PABPC4L: variants seen among roughly 807,000 people sequenced by gnomAD.
The protein encoded by PABPC4L is polyadenylate-binding protein 4-like.
For synonymous variants in PABPC4L, 169 were observed against 164.1 expected, an observed-to-expected ratio of 1.03 and a Z score of -0.23; for missense variants, 452 against 451.4, an observed-to-expected ratio of 1.00 and a Z score of -0.01.
chr4:133,983,400 G>A, the PABPC4L span, among the ~76,000 whole-genome samples: 1 of 151,798 alleles, frequency 6.6e-6, no homozygotes, highest in Non-Finnish European at 1.5e-5. Flanking sequence ...AATTACTCTA[G>A]ATAGTCATCC....
At chr4:134,037,708 A>G in the PABPC4L span, among the ~76,000 whole-genome samples, 95 of 152,190 alleles carry the variant, frequency 6.2e-4, no homozygotes, top group African/African-American at 2.3e-3. Flanking sequence ...AAGCACATCA[A>G]GATAACACTT....
At chr4:134,189,451 T>C in the PABPC4L span, among the ~76,000 whole-genome samples, 1 of 152,120 alleles carries the variant, frequency 6.6e-6, no homozygotes, top group Non-Finnish European at 1.5e-5. Flanking sequence ...TATGTATACA[T>C]ACATATATAC....
the PABPC4L span, among the ~76,000 whole-genome samples, chr4:134,062,968 G>A: frequency 6.6e-6 from 1 of 152,058 alleles, no homozygotes; most frequent in African/African-American, 2.4e-5. Flanking sequence ...TATTTGGCAG[G>A]TTTCTACTTC....
At chr4:134,192,470 A>C (rs1383807617), downstream of PABPC4L, among the ~76,000 whole-genome samples, 1 of 152,106 alleles carries the variant, frequency 6.6e-6, no homozygotes, top group Non-Finnish European at 1.5e-5. Context: ...GATTTTGCAC[A>C]ATCTTGTGAG....
the PABPC4L span, among the ~76,000 whole-genome samples, chr4:134,139,626 A>G: frequency 6.6e-6 from 1 of 151,924 alleles, no homozygotes; most frequent in Non-Finnish European, 1.5e-5. Context: ...ACAGTCATAG[A>G]TAATTAAGGT....
Position 134,201,001 on chromosome 4 carries a change from A to T in PABPC4L, c.19T>A (p.Tyr7Asn). 1.9e-6 allele frequency: 3 copies of T among 1,552,050 alleles called. No homozygotes were observed. The highest frequency in any genetic ancestry group is 2.6e-6 in the Non-Finnish European group (3 of 1,147,140). Residue 7 changes from tyrosine (Y) to asparagine (N), a missense_variant, in exon 2 of 2, where the codon TAC becomes AAC. By Grantham distance (143) the Tyr-to-Asn change is moderately radical (BLOSUM62 -2). Transcript: ENST00000421491. ...CCCACATACAGGGAGGCCATGCGGT[A>T]CTTGGCTGCTACATTCATCTCCTTG... MNVAAK[Y>N]RMASLYVGDL...
the PABPC4L span, among the ~76,000 whole-genome samples, chr4:134,105,760 G>A: frequency 2.6e-5 from 4 of 151,704 alleles, no homozygotes; most frequent in South Asian, 8.3e-4. Context: ...AAACTAGAAA[G>A]GTGGCTGTAG....
At chr4:134,047,024 C>G in the PABPC4L span, among the ~76,000 whole-genome samples, 1 of 152,180 alleles carries the variant, frequency 6.6e-6, no homozygotes, top group Non-Finnish European at 1.5e-5. Context: ...ACATGACAAT[C>G]TGTGACAGAA....
the PABPC4L span, among the ~76,000 whole-genome samples, chr4:133,978,234 T>A: frequency 1.3e-5 from 2 of 152,258 alleles, no homozygotes; most frequent in East Asian, 3.9e-4. Context: ...GCTCTGTTGC[T>A]CCACCCCATC....
the PABPC4L span, among the ~76,000 whole-genome samples, chr4:134,041,651 C>A: frequency 6.6e-6 from 1 of 151,832 alleles, no homozygotes; most frequent in Non-Finnish European, 1.5e-5. Flanking sequence ...CACCGTGGCA[C>A]GTGTATACCT....
At chr4:133,958,741 AC>A in the PABPC4L span, among the ~76,000 whole-genome samples, 1 of 152,150 alleles carries the variant, frequency 6.6e-6, no homozygotes, top group Non-Finnish European at 1.5e-5. Context: ...CCCTTAGAAA[AC>A]TATCCGATCT....
At chr4:134,131,943 C>CA in the PABPC4L span, among the ~76,000 whole-genome samples, 1 of 151,878 alleles carries the variant, frequency 6.6e-6, no homozygotes, top group South Asian at 2.1e-4. Flanking sequence ...TTCAACAAAG[C>CA]AAACAAAAAC....
At chr4:133,950,843 G>A in the PABPC4L span, among the ~76,000 whole-genome samples, 18 of 152,132 alleles carry the variant, frequency 1.2e-4, no homozygotes, top group African/African-American at 3.4e-4. Flanking sequence ...GAAGCAAGAG[G>A]CTACTGAAAA....
chr4:134,036,435 T>G, the PABPC4L span, among the ~76,000 whole-genome samples: 1 of 152,138 alleles, frequency 6.6e-6, no homozygotes, highest in African/African-American at 2.4e-5. Flanking sequence ...AAAGTAATCA[T>G]AAGTATAGTA....
At chr4:134,165,455 A>G in the PABPC4L span, among the ~76,000 whole-genome samples, 1 of 152,000 alleles carries the variant, frequency 6.6e-6, no homozygotes, top group African/African-American at 2.4e-5. Context: ...AAAATAATAA[A>G]CCCCTCAAAA....
the PABPC4L span, among the ~76,000 whole-genome samples, chr4:134,054,438 T>C: frequency 1.3e-5 from 2 of 151,518 alleles, no homozygotes; most frequent in Non-Finnish European, 2.9e-5. Context: ...TTAATAACTA[T>C]AGTATAATAC....
chr4:134,200,953 C>A lies in PABPC4L; in HGVS notation c.67G>T (p.Glu23Ter). 6.4e-7 allele frequency: 1 copy of A among 1,556,298 alleles called. No individual in the cohort carries two copies. ...YVGDLHADVT[E>*]DLLFRKFSTV... The stretch of plus-strand genomic sequence containing the variant: ...CTGAACTTCCTGAACAGCAGGTCCT[C>A]GGTGACATCTGCATGTAAGTCACCC... The change falls in exon 2 of 2, where the codon GAG becomes TAG. Residue 23 changes from glutamate to a stop codon, truncating the protein, a stop_gained. Transcript: ENST00000421491. LOFTEE classifies it low-confidence loss of function (END_TRUNC).
chr4:134,099,361 G>A, the PABPC4L span, among the ~76,000 whole-genome samples: 13 of 151,468 alleles, frequency 8.6e-5, no homozygotes, highest in Non-Finnish European at 1.6e-4. Flanking sequence ...TATAACTGCA[G>A]GCTAAGCATG....
At chr4:134,021,649 T>C in the PABPC4L span, among the ~76,000 whole-genome samples, 1 of 152,170 alleles carries the variant, frequency 6.6e-6, no homozygotes, top group African/African-American at 2.4e-5. Flanking sequence ...TTAGCTATTA[T>C]AGTATCAGCT....
Sources: gnomAD v4.1 joint callset for allele counts (sites outside exome capture counted in the v4.1 genomes callset) on GRCh38, gnomAD v4.1.1 for gene constraint, MANE v1.5 for transcripts, NCBI Gene and HGNC (gene_info 2026-07-23, HGNC 2026-07-21) for gene names.